AHNAK: variants seen among roughly 807,000 people sequenced by gnomAD.
The protein encoded by AHNAK is neuroblast differentiation-associated protein AHNAK.
In AHNAK, 23 loss-of-function variants were observed where a neutral mutation model predicts 37.8. The ratio of observed to expected loss-of-function variants is 0.61; its 90% CI spans 0.44 to 0.86. The LOEUF (loss-of-function observed/expected upper bound fraction) is 0.86. Among genes scored for constraint, AHNAK ranks in the 40% least tolerant of loss-of-function variants. The pLI is 0.00. For missense variants in AHNAK, 7,411 were observed against 7,319.4 expected (o/e 1.01, Z -0.46); for synonymous variants, 2,481 against 2,636.3 (o/e 0.94, Z 1.80).
At chr11:62,539,788 A>T (rs1329892836) in intron 1 of AHNAK, among the ~76,000 whole-genome samples, 1 of 152,240 alleles carries the variant, frequency 6.6e-6, no homozygotes, top group African/African-American at 2.4e-5. Context: ...CTTCCCGGCC[A>T]GGTGGGGCTG....
Position 62,532,969 on chromosome 11 carries a change from A to G in AHNAK, c.1448T>C (p.Met483Thr), listed in dbSNP as rs144479151. 7.1e-5 allele frequency: 114 copies of G among 1,613,920 alleles called. 1 individual carries two copies. The South Asian group carries it at 1.2e-3, about 17-fold the overall frequency. Residue 483 changes from methionine to threonine, a missense_variant, in exon 5 of 5, where the codon ATG becomes ACG. Coordinates refer to ENST00000378024, the MANE Select transcript of AHNAK (RefSeq NM_001620.3). ...AGGAGTCTTCACTTTAGTACCTTTCATCTTTCCTTCCAGCCCACCAGTAGC... is the reference window on the plus strand; with the variant it reads ...AGGAGTCTTCACTTTAGTACCTTTCGTCTTTCCTTCCAGCCCACCAGTAGC... ...EIATGGLEGKMKGTKVKTPEM... is the reference protein window; with the variant it reads ...EIATGGLEGKTKGTKVKTPEM...
chr11:62,503,658 G>T (rs995357799), intron 4 of AHNAK, among the ~76,000 whole-genome samples: 1 of 151,988 alleles, frequency 6.6e-6, no homozygotes, highest in African/African-American at 2.4e-5. Context: ...CTGGGTTGCC[G>T]GCAAGGTCTG....
In AHNAK at chr11:62,525,975, A is replaced by G. The variant is rs1940467420; in HGVS notation, c.8442T>C (p.Pro2814=). The change falls in exon 5 of 5, where the codon CCT becomes CCC. Residue 2814 remains proline (P), a synonymous_variant. Transcript: ENST00000378024. ...ACTTTGGACTTTTCCACTTTCCTTC[A>G]GGTCCTTCGATATTCACATCGGGAC... ...VECPDVNIEG[P]EGKWKSPKFK... 1 of 1,612,332 alleles carries G rather than the reference A, an allele frequency of 6.2e-7. No individual in the cohort carries two copies.
intron 5 of AHNAK, among the ~76,000 whole-genome samples, chr11:62,469,830 G>A (rs904503839): frequency 7.2e-5 from 11 of 152,142 alleles, no homozygotes; most frequent in Admixed American, 5.2e-4. Context: ...GGGGAGAGGT[G>A]TCAGAAACAG....
intron 5 of AHNAK, among the ~76,000 whole-genome samples, chr11:62,483,869 A>AC (rs1939331919): frequency 6.9e-6 from 1 of 144,942 alleles, no homozygotes; most frequent in East Asian, 2.1e-4. Flanking sequence ...AAAAAAAAAA[A>AC]AAAACAAACT....
At chr11:62,461,841 A>AG (rs1219285122) in intron 5 of AHNAK, among the ~76,000 whole-genome samples, 22 of 148,968 alleles carry the variant, frequency 1.5e-4, no homozygotes, top group Non-Finnish European at 3.2e-4. Flanking sequence ...AAAAAAAAAA[A>AG]CAACCTTCCA....
chr11:62,479,184 T>TG (rs397934301), intron 5 of AHNAK, among the ~76,000 whole-genome samples: 6 of 148,828 alleles, frequency 4.0e-5, no homozygotes, highest in Non-Finnish European at 5.9e-5. Flanking sequence ...TTTTTTTTTT[T>TG]GATACGGAGT....
At position 62,531,673 on chromosome 11, in the gene AHNAK, A is replaced by T. The variant is rs1449424249; in HGVS notation, c.2744T>A (p.Val915Asp). The T allele has an allele frequency of 3.1e-6, 5 of 1,614,042 alleles. No homozygotes were observed. Among genetic ancestry groups the T allele is most frequent in the Non-Finnish European group, 4.2e-6 (5 of 1,180,014 alleles). Residue 915 changes from valine (V) to aspartate (D), a missense_variant, in exon 5 of 5, where the codon GTT (valine) becomes GAT (aspartate). Transcript: ENST00000378024. ...TTCAATATTCACATCTGGAACTTCA[A>T]CACCCACCTTGGGTCCTGAGATGTC... is the stretch of plus-strand genomic sequence containing the variant. ...DVDISGPKVG[V>D]EVPDVNIEGP... is the part of the protein sequence containing the mutation.
In AHNAK at chr11:62,527,539, C is replaced by T. The variant is rs748241115; in HGVS notation, c.6878G>A (p.Gly2293Glu). 1 of 1,607,532 alleles carries T rather than the reference C, an allele frequency of 6.2e-7. No homozygotes were observed. Among genetic ancestry groups the T allele is most frequent in the Admixed American group, 1.7e-5 (1 of 59,218 alleles). ...CTTAAACTTGGGGCCCTTCAGCTTCCCTTCTGGACCTTCAAGGCTCACATC... is the reference window on the plus strand; with the variant it reads ...CTTAAACTTGGGGCCCTTCAGCTTCTCTTCTGGACCTTCAAGGCTCACATC... Reference protein sequence around the residue: ...VPDVSLEGPEGKLKGPKFKMP... With the variant: ...VPDVSLEGPEEKLKGPKFKMP... The change falls in exon 5 of 5, where the codon GGG (glycine) becomes GAG (glutamate). Residue 2293 changes from glycine (G) to glutamate (E), a missense_variant. By Grantham distance (98) the Gly-to-Glu change is moderately conservative. Coordinates refer to ENST00000378024, the MANE Select transcript of AHNAK (RefSeq NM_001620.3).
downstream of AHNAK, among the ~76,000 whole-genome samples, chr11:62,514,185 G>A (rs989775703): frequency 2.6e-5 from 4 of 152,094 alleles, no homozygotes; most frequent in Admixed American, 2.6e-4. Context: ...CCCTAGCTGT[G>A]TACACAAGTG....
chr11:62,531,269 A>G lies in AHNAK; in HGVS notation c.3148T>C (p.Leu1050=), dbSNP rs116769736. The G allele has an allele frequency of 6.2e-7, 1 of 1,613,414 alleles. No homozygotes were observed. Among genetic ancestry groups the G allele is most frequent in the East Asian group, 2.2e-5 (1 of 44,870 alleles). ...DLSLEGPEGK[L]KGPKFKMPEM... is the part of the protein sequence containing the mutation. The stretch of plus-strand genomic sequence containing the variant: ...GGCATCTTAAACTTCGGGCCTTTCA[A>G]CTTCCCTTCAGGTCCTTCAAGGCTC... Residue 1050 remains leucine, a synonymous_variant, in exon 5 of 5, where the codon TTG becomes CTG. Transcript: ENST00000378024.
rs749201402 is a variant in AHNAK at position 62,520,140 on chromosome 11, G to C, written c.14277C>G (p.Gly4759=). 1.2e-6 allele frequency: 2 copies of C among 1,612,888 alleles called. No homozygotes were observed. The highest frequency in any genetic ancestry group is 1.7e-6 in the Non-Finnish European group (2 of 1,179,880). ...DLKGPEADIK[G]PKVDINTPDV... is the part of the protein sequence containing the mutation. ...CAGGGGTGTTGATGTCCACTTTTGG[G>C]CCCTTGATGTCAGCTTCTGGGCCCT... Residue 4759 remains glycine, a synonymous_variant, in exon 5 of 5, where the codon GGC becomes GGG. Transcript: ENST00000378024.
chr11:62,455,264 C>T (rs947377789), intron 5 of AHNAK, among the ~76,000 whole-genome samples: 4 of 151,922 alleles, frequency 2.6e-5, no homozygotes, highest in African/African-American at 2.4e-5. Flanking sequence ...CAACTAGCTC[C>T]GCTAGAAGGC....
Position 62,531,515 on chromosome 11 carries a change from C to T in AHNAK, c.2902G>A (p.Val968Met). The T allele has an allele frequency of 1.2e-6, 2 of 1,614,222 alleles. No individual in the cohort carries two copies. The highest frequency in any genetic ancestry group is 1.7e-6 in the Non-Finnish European group (2 of 1,180,044). ...TTCAGGTCCCCTTCCAGCTTTGGCA[C>T]TGTCATATCATATTCTCCCTTTACT... ...PKVKGEYDMT[V>M]PKLEGDLKGP... The change falls in exon 5 of 5, where the codon GTG becomes ATG. Residue 968 changes from valine (V) to methionine (M), a missense_variant. By Grantham distance (21) the Val-to-Met change is conservative (BLOSUM62 1). Coordinates refer to ENST00000378024, the MANE Select transcript of AHNAK (RefSeq NM_001620.3).
Position 62,520,490 on chromosome 11 carries a change from C to A in AHNAK, c.13927G>T (p.Val4643Phe). Residue 4643 changes from valine (V) to phenylalanine (F), a missense_variant, in exon 5 of 5, where the codon GTT becomes TTT. By Grantham distance (50) the Val-to-Phe change is conservative. Coordinates refer to ENST00000378024, the MANE Select transcript of AHNAK (RefSeq NM_001620.3). ...KVDIDVPDVD[V>F]QGPDWHLKMP... ...TTTAGGTGCCAGTCTGGGCCTTGAA[C>A]GTCCACATCTGGGACATCAATGTCC... 1 of 1,614,124 alleles carries A rather than the reference C, an allele frequency of 6.2e-7. No homozygotes were observed. The highest frequency in any genetic ancestry group is 8.5e-7 in the Non-Finnish European group (1 of 1,180,034).
At chr11:62,448,416 T>C (rs1050295280) in intron 5 of AHNAK, among the ~76,000 whole-genome samples, 1 of 152,234 alleles carries the variant, frequency 6.6e-6, no homozygotes, top group African/African-American at 2.4e-5. Context: ...CTCGCCACAC[T>C]ACCTGCAGTG....
At position 62,519,714 on chromosome 11, in the gene AHNAK, G is replaced by C. The variant is rs540325898; in HGVS notation, c.14703C>G (p.Gly4901=). ...DFEGPDAKLS[G]PSLKMPSLEI... ...CCAGCGATGGCATCTTCAAAGATGG[G>C]CCACTGAGTTTGGCATCAGGGCCTT... The change falls in exon 5 of 5, where the codon GGC becomes GGG. Residue 4901 remains glycine, a synonymous_variant. Transcript: ENST00000378024. 6.2e-7 allele frequency: 1 copy of C among 1,614,020 alleles called. No individual in the cohort carries two copies. Among genetic ancestry groups the C allele is most frequent in the South Asian group, 1.1e-5 (1 of 91,038 alleles).
Position 62,439,078 on chromosome 11 carries a change from TCA to T in AHNAK, c.443-5189_443-5188del, listed in dbSNP as rs200720441. Among the ~76,000 whole-genome samples the T allele has an allele frequency of 5.7e-3, 837 of 146,856 alleles. 24 individuals carry two copies. Among genetic ancestry groups the T allele is most frequent in the Admixed American group, 0.042 (590 of 14,098 alleles). ...GGAGAGGGATGGACACCCATCCCTC[TCA>T]GTTTCCCTATTTTTTTTTTTTTTTT... On this transcript the variant is annotated intron_variant, in intron 5 of 5. Coordinates refer to the AHNAK transcript ENST00000257247.
At position 62,533,469 on chromosome 11, in the gene AHNAK, G is replaced by A. The variant is rs1565246956; in HGVS notation, c.948C>T (p.Val316=). 2 of 1,614,064 alleles carry A rather than the reference G, an allele frequency of 1.2e-6. No individual in the cohort carries two copies. The highest frequency in any genetic ancestry group is 2.2e-5 in the South Asian group (2 of 91,090). The part of the protein sequence containing the change: ...FPTMKVPKFG[V]STGREGQTPK... ...GTGTCTGGCCCTCACGCCCTGTTGA[G>A]ACACCAAATTTCGGCACTTTCATGG... is the stretch of plus-strand genomic sequence containing the variant. Residue 316 remains valine (V), a synonymous_variant, in exon 5 of 5, where the codon GTC becomes GTT. Transcript: ENST00000378024.
Sources: gnomAD v4.1 joint callset for allele counts (sites outside exome capture counted in the v4.1 genomes callset) on GRCh38, gnomAD v4.1.1 for gene constraint, MANE v1.5 for transcripts, NCBI Gene and HGNC (gene_info 2026-07-23, HGNC 2026-07-21) for gene names.